Variants in ZNF385B observed in about 807,000 individuals in gnomAD.
The protein encoded by ZNF385B is zinc finger protein 533.
A neutral mutation model predicts 39.2 loss-of-function variants in ZNF385B; 23 were observed. That is an observed-to-expected ratio of 0.59 (90% CI 0.42 to 0.83). The LOEUF (loss-of-function observed/expected upper bound fraction) is 0.83. Among genes scored for constraint, ZNF385B ranks in the 40% least tolerant of loss-of-function variants. The pLI, the probability that ZNF385B is intolerant of heterozygous loss-of-function variation, is 0.00. For missense variants in ZNF385B, 552 were observed against 598.9 expected, an observed-to-expected ratio of 0.92 and a Z score of 0.82; for synonymous variants, 205 against 222.6, an observed-to-expected ratio of 0.92 and a Z score of 0.70.
intron 4 of ZNF385B, among the ~76,000 whole-genome samples, chr2:179,544,022 A>G (rs1420536055): frequency 1.3e-5 from 2 of 152,120 alleles, no homozygotes; most frequent in African/African-American, 4.8e-5. Flanking sequence ...TGCCCCAACT[A>G]ACTGTATTTA....
chr2:179,475,722 T>TACAAGGCTAACTTTATGTGGCACTAGACC lies in ZNF385B; in HGVS notation c.715+7549_715+7550insGGTCTAGTGCCACATAAAGTTAGCCTTGT, dbSNP rs1301218898. ...TTGAAAAACACTTTAAGCATTATAC[T>TACAAGGCTAACTTTATGTGGCACTAGACC]ATAAGGCTTAAAGTGTTTTTCACTG... is the stretch of plus-strand genomic sequence containing the variant. On this transcript the variant is annotated intron_variant, in intron 6 of 9. Coordinates refer to ENST00000410066, the MANE Select transcript of ZNF385B (RefSeq NM_152520.6). Among the ~76,000 whole-genome samples the TACAAGGCTAACTTTATGTGGCACTAGACC allele has an allele frequency of 1.7e-4, 26 of 152,040 alleles. 1 individual carries two copies. The highest frequency in any genetic ancestry group is 4.4e-5 in the Non-Finnish European group (3 of 67,936).
intron 6 of ZNF385B, among the ~76,000 whole-genome samples, chr2:179,459,588 A>AGTGTGTGTGT (rs3053314): frequency 6.2e-5 from 9 of 146,026 alleles, no homozygotes; most frequent in East Asian, 2.0e-4. Context: ...AGAGAAAATA[A>AGTGTGTGTGT]GTGTGTGTGT....
chr2:179,653,830 C>CAA (rs1467149081), intron 3 of ZNF385B, among the ~76,000 whole-genome samples: 3 of 152,278 alleles, frequency 2.0e-5, no homozygotes, highest in East Asian at 3.9e-4. Context: ...CGAACAAACT[C>CAA]AGACGAGCCA....
At chr2:179,612,483 G>T (rs6733764) in intron 3 of ZNF385B, among the ~76,000 whole-genome samples, 2,266 of 151,862 alleles carry the variant, frequency 0.015, 60 homozygotes, top group African/African-American at 0.051. Flanking sequence ...TTGCAGACTT[G>T]TAGGGGCACT....
intron 1 of ZNF385B, among the ~76,000 whole-genome samples, chr2:179,797,210 G>T (rs1247151848): frequency 6.6e-6 from 1 of 151,886 alleles, no homozygotes; most frequent in Non-Finnish European, 1.5e-5. Flanking sequence ...CTACACAAAA[G>T]TAGTAAAAAT....
At chr2:179,653,449 T>C (rs114427290) in intron 3 of ZNF385B, among the ~76,000 whole-genome samples, 6,078 of 152,236 alleles carry the variant, frequency 0.04, 164 homozygotes, top group Middle Eastern at 0.058. Flanking sequence ...GCAACTCCAT[T>C]ACCTCCCCTT....
intron 4 of ZNF385B, among the ~76,000 whole-genome samples, chr2:179,538,687 G>C (rs1386632444): frequency 2.0e-5 from 3 of 152,068 alleles, no homozygotes; most frequent in Admixed American, 1.3e-4. Flanking sequence ...TCTTTATCCT[G>C]TCCCACATAT....
At chr2:179,662,004 GATT>G (rs772221724) in intron 3 of ZNF385B, among the ~76,000 whole-genome samples, 34 of 152,196 alleles carry the variant, frequency 2.2e-4, no homozygotes, top group Non-Finnish European at 4.3e-4. Context: ...AAACCACTGT[GATT>G]TGGCTTTAAT....
At chr2:179,705,700 T>C (rs902989115) in intron 3 of ZNF385B, among the ~76,000 whole-genome samples, 43 of 152,236 alleles carry the variant, frequency 2.8e-4, no homozygotes, top group African/African-American at 1.0e-3. Context: ...CGACCAAGGG[T>C]TAGCACACTT....
At chr2:179,469,996 C>T (rs2052555909) in intron 6 of ZNF385B, among the ~76,000 whole-genome samples, 1 of 152,272 alleles carries the variant, frequency 6.6e-6, no homozygotes, top group South Asian at 2.1e-4. Flanking sequence ...GGAAGAGATT[C>T]CTTTGCAACT....
intron 3 of ZNF385B, among the ~76,000 whole-genome samples, chr2:179,709,318 T>C (rs1699835608): frequency 6.6e-6 from 1 of 152,178 alleles, no homozygotes; most frequent in Non-Finnish European, 1.5e-5. Context: ...GTAAGACTAA[T>C]GTTGTTCTGT....
chr2:179,761,845 T>C (rs35474275), intron 3 of ZNF385B, among the ~76,000 whole-genome samples: 38,157 of 149,306 alleles, frequency 0.26, 5,015 homozygotes, highest in Admixed American at 0.32. Flanking sequence ...AGTGATCCTC[T>C]TTTCTCAGTC....
intron 3 of ZNF385B, among the ~76,000 whole-genome samples, chr2:179,617,182 T>G (rs1208114765): frequency 6.6e-6 from 1 of 152,226 alleles, no homozygotes; most frequent in African/African-American, 2.4e-5. Context: ...ATTCAGTTTC[T>G]GAAGCTCTGT....
At chr2:179,479,185 C>A (rs1005257471) in intron 6 of ZNF385B, among the ~76,000 whole-genome samples, 1 of 152,152 alleles carries the variant, frequency 6.6e-6, no homozygotes, top group Non-Finnish European at 1.5e-5. Flanking sequence ...TTTTGCATAA[C>A]TGAAGAATAG....
chr2:179,505,161 C>T (rs62177238), intron 5 of ZNF385B, among the ~76,000 whole-genome samples: 8,563 of 152,094 alleles, frequency 0.056, 337 homozygotes, highest in South Asian at 0.12. Context: ...ATATCTTGAC[C>T]GTGGCAGAGG....
intron 6 of ZNF385B, among the ~76,000 whole-genome samples, chr2:179,458,026 C>T (rs2050891423): frequency 6.6e-6 from 1 of 152,170 alleles, no homozygotes; most frequent in African/African-American, 2.4e-5. Flanking sequence ...ACTAAGAATG[C>T]TTAGTTTTAG....
chr2:179,638,696 A>G (rs1323422834), intron 3 of ZNF385B, among the ~76,000 whole-genome samples: 1 of 152,120 alleles, frequency 6.6e-6, no homozygotes, highest in Non-Finnish European at 1.5e-5. Flanking sequence ...ACGCAAACCG[A>G]CTATCTAGAT....
chr2:179,797,657 G>T (rs919084871), intron 1 of ZNF385B, among the ~76,000 whole-genome samples: 3 of 152,136 alleles, frequency 2.0e-5, no homozygotes, highest in Non-Finnish European at 4.4e-5. Flanking sequence ...CCACAGGCTA[G>T]GTTTTGCTGA....
chr2:179,771,493 C>T (rs771337344), intron 1 of ZNF385B, among the ~76,000 whole-genome samples: 1 of 151,708 alleles, frequency 6.6e-6, no homozygotes, highest in Admixed American at 6.6e-5. Context: ...CAAAATTTTC[C>T]AAGTCAATCT....
Sources: gnomAD v4.1 joint callset for allele counts (sites outside exome capture counted in the v4.1 genomes callset) on GRCh38, gnomAD v4.1.1 for gene constraint, MANE v1.5 for transcripts, NCBI Gene and HGNC (gene_info 2026-07-23, HGNC 2026-07-21) for gene names.